The following OR6N1 variants were observed in gnomAD, a reference collection of about 807,000 sequenced individuals.
The protein encoded by OR6N1 is olfactory receptor family 6 subfamily N member 1, also known as olfactory receptor 6N1.
For synonymous variants in OR6N1, 170 were observed against 150.7 expected (o/e 1.13, Z -0.94); for missense variants, 394 against 371.7 (o/e 1.06, Z -0.49).
the OR6N1 span, among the ~76,000 whole-genome samples, chr1:158,825,911 G>A: frequency 5.3e-5 from 8 of 152,262 alleles, no homozygotes; most frequent in South Asian, 8.3e-4. Flanking sequence ...TAGAGAAAAT[G>A]TTGTACACAT....
At chr1:158,784,297 CATA>C in the OR6N1 span, among the ~76,000 whole-genome samples, 1 of 152,108 alleles carries the variant, frequency 6.6e-6, no homozygotes, top group African/African-American at 2.4e-5. Context: ...ATTTTTGACA[CATA>C]ATAATTGTAC....
intron 1 of OR6N1, among the ~76,000 whole-genome samples, chr1:158,768,420 A>G (rs1657331391): frequency 6.6e-6 from 1 of 152,126 alleles, no homozygotes; most frequent in Non-Finnish European, 1.5e-5. Flanking sequence ...TGACAAGCTA[A>G]ACTCCTGCAG....
At chr1:158,808,842 G>A in the OR6N1 span, 1 of 152,388 alleles carries the variant, frequency 6.6e-6, no homozygotes, top group African/African-American at 2.4e-5. Flanking sequence ...CAGAAGGGCA[G>A]AGTGGCAGTG....
At chr1:158,789,613 C>T in the OR6N1 span, among the ~76,000 whole-genome samples, 3 of 152,116 alleles carry the variant, frequency 2.0e-5, no homozygotes, top group African/African-American at 7.2e-5. Context: ...ATTTCTATAA[C>T]TCCTAGCCAT....
At chr1:158,802,083 A>G in the OR6N1 span, among the ~76,000 whole-genome samples, 2 of 151,982 alleles carry the variant, frequency 1.3e-5, no homozygotes, top group Non-Finnish European at 2.9e-5. Flanking sequence ...CAGAGAAGTA[A>G]AGCAGCCCTA....
At chr1:158,815,168 G>C in the OR6N1 span, among the ~76,000 whole-genome samples, 2 of 152,144 alleles carry the variant, frequency 1.3e-5, no homozygotes, top group Admixed American at 1.3e-4. Flanking sequence ...GTGGTCACAG[G>C]AAGGGTGCTT....
the OR6N1 span, among the ~76,000 whole-genome samples, chr1:158,803,102 G>A: frequency 6.6e-6 from 1 of 151,976 alleles, no homozygotes; most frequent in Admixed American, 6.6e-5. Flanking sequence ...TTTAAGATAC[G>A]GAGGTAACCA....
chr1:158,772,492 T>G (rs1414223017), upstream of OR6N1, among the ~76,000 whole-genome samples: 1 of 152,196 alleles, frequency 6.6e-6, no homozygotes, highest in Non-Finnish European at 1.5e-5. Flanking sequence ...TTCAAATGGG[T>G]TCCTGTACTG....
the OR6N1 span, among the ~76,000 whole-genome samples, chr1:158,829,895 CAA>C: frequency 1.3e-5 from 2 of 152,164 alleles, no homozygotes; most frequent in South Asian, 4.1e-4. Flanking sequence ...TGGCAGCAGG[CAA>C]AGAGAGAGCT....
the OR6N1 span, among the ~76,000 whole-genome samples, chr1:158,827,571 T>G: frequency 6.6e-6 from 1 of 152,178 alleles, no homozygotes; most frequent in Non-Finnish European, 1.5e-5. Flanking sequence ...GCAATATACT[T>G]CTTGAAATGC....
chr1:158,827,061 G>A, the OR6N1 span, among the ~76,000 whole-genome samples: 1 of 152,130 alleles, frequency 6.6e-6, no homozygotes. Context: ...TCAGCCTCAG[G>A]CAACATAAAT....
the OR6N1 span, among the ~76,000 whole-genome samples, chr1:158,802,131 T>A: frequency 6.6e-6 from 1 of 151,566 alleles, no homozygotes; most frequent in East Asian, 1.9e-4. Flanking sequence ...CCTCACTGGC[T>A]CTAGAATCCA....
chr1:158,772,423 A>C (rs1180918158), upstream of OR6N1, among the ~76,000 whole-genome samples: 2 of 152,220 alleles, frequency 1.3e-5, no homozygotes, highest in African/African-American at 2.4e-5. Flanking sequence ...TTGAGATAGA[A>C]CATGTCTCAA....
chr1:158,795,335 A>G, the OR6N1 span, among the ~76,000 whole-genome samples: 1 of 152,174 alleles, frequency 6.6e-6, no homozygotes, highest in Non-Finnish European at 1.5e-5. Flanking sequence ...AGGGAGACAG[A>G]AATCATGGCT....
At chr1:158,781,662 A>G in the OR6N1 span, among the ~76,000 whole-genome samples, 1 of 152,206 alleles carries the variant, frequency 6.6e-6, no homozygotes, top group African/African-American at 2.4e-5. Context: ...TTTCCTGATA[A>G]TGTGCTGAAT....
chr1:158,803,538 C>T, the OR6N1 span, among the ~76,000 whole-genome samples: 1 of 152,208 alleles, frequency 6.6e-6, no homozygotes, highest in Admixed American at 6.5e-5. Context: ...CTTTAATACT[C>T]ATTTTTATTC....
the OR6N1 span, among the ~76,000 whole-genome samples, chr1:158,817,045 G>T: frequency 6.6e-6 from 1 of 152,178 alleles, no homozygotes; most frequent in African/African-American, 2.4e-5. Flanking sequence ...GTAAAAATTG[G>T]GATAATCCTC....
chr1:158,817,342 C>T, the OR6N1 span, among the ~76,000 whole-genome samples: 1 of 152,178 alleles, frequency 6.6e-6, no homozygotes, highest in Non-Finnish European at 1.5e-5. Flanking sequence ...CTCCTTGGCC[C>T]TCAATTCACT....
the OR6N1 span, among the ~76,000 whole-genome samples, chr1:158,829,671 G>T: frequency 2.0e-5 from 3 of 152,150 alleles, no homozygotes; most frequent in East Asian, 1.9e-4. Flanking sequence ...CAGTTTTAAA[G>T]TTGCTTCCAC....
Sources: allele counts gnomAD v4.1 joint callset (sites outside exome capture counted in the v4.1 genomes callset), GRCh38; gene constraint gnomAD v4.1.1; transcripts MANE v1.5; gene names NCBI Gene and HGNC (gene_info 2026-07-23, HGNC 2026-07-21).